The following IL7 variants were observed in gnomAD, a reference collection of about 807,000 sequenced individuals.
IL7 encodes the protein interleukin 7, also known as interleukin-7.
In IL7, 3 loss-of-function variants were observed where a neutral mutation model predicts 21.6. The ratio of observed to expected loss-of-function variants is 0.14; its 90% CI spans 0.06 to 0.36. The LOEUF is 0.36. IL7 is among the 10% of genes least tolerant of loss of function. The probability of loss-of-function intolerance (pLI) is 1.00; values close to 1 mark genes in which losing one functional copy is unlikely to be tolerated. For missense variants in IL7, 175 were observed against 200.2 expected (o/e 0.87, Z 0.76); for synonymous variants, 62 against 68.1 (o/e 0.91, Z 0.44).
intron 2 of IL7, among the ~76,000 whole-genome samples, chr8:78,783,449 G>A (rs921269207): frequency 6.6e-6 from 1 of 151,826 alleles, no homozygotes; most frequent in African/African-American, 2.4e-5. Flanking sequence ...AGAGAACCTG[G>A]ATACCTTAGT....
In IL7 at chr8:78,689,357, C is replaced by T. The variant is rs200110247; in HGVS notation, n.215-3410G>A. ...TCTACAGATACCAAAGGAAAACCAA[C>T]TTCTCGGACACAGGTGGTAAGTTCA... On this transcript the variant is annotated intron_variant and non_coding_transcript_variant, in intron 3 of 4. Transcript: ENST00000523959. 45 of 1,591,826 alleles carry T rather than the reference C, an allele frequency of 2.8e-5. No individual in the cohort carries two copies. The highest frequency in any genetic ancestry group is 3.8e-5 in the Non-Finnish European group (44 of 1,170,382).
Position 78,711,816 on chromosome 8 carries a change from T to C in IL7, n.214+9532A>G, listed in dbSNP as rs1810958779. ...AATTTTCAGACCTAATAATGGACAT[T>C]GTATGAACTCTCTGAGGATTCTTTT... On this transcript the variant is annotated intron_variant and non_coding_transcript_variant, in intron 3 of 4. Coordinates refer to the IL7 transcript ENST00000523959. Among the ~76,000 whole-genome samples the C allele has an allele frequency of 2.0e-5, 3 of 152,220 alleles. No homozygotes were observed. The East Asian group carries it at 5.8e-4, about 29-fold the overall frequency.
intron 2 of IL7, among the ~76,000 whole-genome samples, chr8:78,752,629 C>T (rs180709233): frequency 9.2e-5 from 14 of 152,128 alleles, no homozygotes; most frequent in Non-Finnish European, 1.9e-4. Context: ...ACTTGAAGTT[C>T]TGGGATACAG....
chr8:78,690,274 T>G (rs1436102071), intron 3 of IL7, among the ~76,000 whole-genome samples: 1 of 152,214 alleles, frequency 6.6e-6, no homozygotes, highest in African/African-American at 2.4e-5. Flanking sequence ...AAATTTTCTT[T>G]GGCAGCCGGG....
chr8:78,761,188 T>A (rs1812543179), intron 2 of IL7: 1 of 1,592,490 alleles, frequency 6.3e-7, no homozygotes, highest in South Asian at 1.2e-5. Flanking sequence ...TACCCCTTTC[T>A]TTACTGTTCT....
chr8:78,707,852 TTTC>T (rs1367529632), intron 3 of IL7, among the ~76,000 whole-genome samples: 1 of 83,774 alleles, frequency 1.2e-5, no homozygotes, highest in African/African-American at 3.8e-5. Context: ...TTCCTTTTTT[TTTC>T]TTTTTTTTTT....
chr8:78,760,505 T>C, intron 2 of IL7: 1 of 1,538,294 alleles, frequency 6.5e-7, no homozygotes, highest in Admixed American at 2.1e-5. Context: ...ACAATGAAGC[T>C]CAGCTGACAG....
At chr8:78,729,324 C>T (rs1399037289), downstream of IL7, among the ~76,000 whole-genome samples, 2 of 151,982 alleles carry the variant, frequency 1.3e-5, no homozygotes, top group African/African-American at 2.4e-5. Context: ...AACTGGCACA[C>T]TAGAGATGGA....
chr8:78,757,690 G>A (rs746673393), intron 2 of IL7, among the ~76,000 whole-genome samples: 8 of 151,904 alleles, frequency 5.3e-5, no homozygotes, highest in African/African-American at 1.2e-4. Context: ...TACTTTGTCC[G>A]ATATAAGTAT....
At chr8:78,705,088 T>C (rs1397833272) in intron 3 of IL7, among the ~76,000 whole-genome samples, 1 of 152,218 alleles carries the variant, frequency 6.6e-6, no homozygotes, top group African/African-American at 2.4e-5. Context: ...GTATCCTGAA[T>C]TCTGCTTCTT....
intron 2 of IL7, among the ~76,000 whole-genome samples, chr8:78,779,338 G>A (rs934999550): frequency 1.3e-5 from 2 of 152,172 alleles, no homozygotes; most frequent in African/African-American, 2.4e-5. Context: ...AATGCTTCCA[G>A]CTTTTGTCCA....
chr8:78,767,862 C>A (rs1812808246), intron 2 of IL7, among the ~76,000 whole-genome samples: 1 of 152,046 alleles, frequency 6.6e-6, no homozygotes, highest in Admixed American at 6.6e-5. Context: ...TGCTGGTGTG[C>A]TGCACCCATT....
At chr8:78,677,132 G>T (rs150128748) in intron 4 of IL7, among the ~76,000 whole-genome samples, 4 of 152,004 alleles carry the variant, frequency 2.6e-5, no homozygotes, top group South Asian at 4.1e-4. Context: ...CAGTTTTGAG[G>T]TTTTATTTTT....
At chr8:78,680,269 A>G (rs1459892983) in intron 4 of IL7, among the ~76,000 whole-genome samples, 1 of 133,840 alleles carries the variant, frequency 7.5e-6, no homozygotes, top group Non-Finnish European at 1.5e-5. Flanking sequence ...CCTGGGCGAC[A>G]GAGCGAGACT....
At chr8:78,775,931 A>G (rs879866172) in intron 2 of IL7, among the ~76,000 whole-genome samples, 66 of 152,040 alleles carry the variant, frequency 4.3e-4, no homozygotes, top group African/African-American at 1.4e-3. Context: ...CCACTTCTAC[A>G]TTCTCTACAG....
chr8:78,699,100 GT>G (rs1173089584), intron 3 of IL7, among the ~76,000 whole-genome samples: 47 of 143,970 alleles, frequency 3.3e-4, no homozygotes, highest in African/African-American at 1.2e-3. Context: ...TGCAACTATA[GT>G]ATGTATATAA....
downstream of IL7, among the ~76,000 whole-genome samples, chr8:78,729,686 C>T (rs772642505): frequency 9.1e-4 from 139 of 151,954 alleles, no homozygotes; most frequent in Admixed American, 1.4e-3. Flanking sequence ...AGACTTTTAC[C>T]TCACATGATT....
chr8:78,713,239 G>C (rs74537922), downstream of IL7, among the ~76,000 whole-genome samples: 1,763 of 152,036 alleles, frequency 0.012, 13 homozygotes, highest in Middle Eastern at 0.027. Flanking sequence ...TGTAAGACTG[G>C]GGCAAGATGT....
chr8:78,717,327 G>T (rs1811138038), downstream of IL7: 1 of 1,599,110 alleles, frequency 6.3e-7, no homozygotes, highest in African/African-American at 1.4e-5. Context: ...TACTTTTTTA[G>T]GCCAGATGGG....
Sources: gnomAD v4.1 joint callset for allele counts (sites outside exome capture counted in the v4.1 genomes callset) on GRCh38, gnomAD v4.1.1 for gene constraint, MANE v1.5 for transcripts, NCBI Gene and HGNC (gene_info 2026-07-23, HGNC 2026-07-21) for gene names.